RFX7: variants seen among roughly 807,000 people sequenced by gnomAD.
RFX7 encodes DNA-binding protein RFX7.
A neutral mutation model predicts 111.8 loss-of-function variants in RFX7; 26 were observed. The observed-to-expected ratio is 0.23, with a 90% CI of 0.17 to 0.32. RFX7 has a LOEUF of 0.32. RFX7 is among the 10% of genes least tolerant of loss of function. RFX7 has a pLI of 1.00. For synonymous variants in RFX7, 624 were observed against 624.4 expected (o/e 1.00, Z 0.01); for missense variants, 1,573 against 1,772.9 (o/e 0.89, Z 2.02).
intron 2 of RFX7, among the ~76,000 whole-genome samples, chr15:56,205,136 G>A (rs2713937): frequency 0.59 from 90,237 of 151,972 alleles, 27,416 homozygotes; most frequent in East Asian, 0.85. Flanking sequence ...CCAAATCCCT[G>A]GTCTGAATTA....
chr15:56,101,655 G>T, intron 7 of RFX7, 89 bp from the exon 8 acceptor site: 1 of 1,175,434 alleles, frequency 8.5e-7, no homozygotes, highest in Non-Finnish European at 1.2e-6. Flanking sequence ...TTAATTAGAA[G>T]ATACAATATA....
At chr15:56,101,605 C>T (rs767226032) in intron 7 of RFX7, 39 bp from the exon 8 acceptor site, 2 of 1,511,630 alleles carry the variant, frequency 1.3e-6, no homozygotes, top group Non-Finnish European at 1.8e-6. Context: ...TTGTAAAAGA[C>T]CAGAGAAATT....
chr15:56,175,060 G>A (rs538433816), intron 3 of RFX7, among the ~76,000 whole-genome samples: 13 of 152,196 alleles, frequency 8.5e-5, no homozygotes, highest in African/African-American at 3.1e-4. Flanking sequence ...GATTGAGTGG[G>A]TAGAAAATCC....
chr15:56,192,429 TG>T (rs2043109654), intron 2 of RFX7: 2 of 221,570 alleles, frequency 9.0e-6, no homozygotes, highest in South Asian at 1.7e-4. Context: ...TGGGCTGGGC[TG>T]AAATATGGGG....
intron 2 of RFX7, among the ~76,000 whole-genome samples, chr15:56,212,925 A>G (rs1295163867): frequency 6.6e-6 from 1 of 152,208 alleles, no homozygotes; most frequent in East Asian, 1.9e-4. Context: ...GATATTTAAC[A>G]TCATTAGCCA....
At chr15:56,100,654 A>G (rs2041739863) in intron 8 of RFX7, among the ~76,000 whole-genome samples, 2 of 152,212 alleles carry the variant, frequency 1.3e-5, no homozygotes, top group African/African-American at 4.8e-5. Context: ...CTGATTTTCT[A>G]GAATAATTTA....
intron 2 of RFX7, among the ~76,000 whole-genome samples, chr15:56,218,993 G>A (rs1220837987): frequency 3.3e-5 from 5 of 152,150 alleles, no homozygotes; most frequent in Non-Finnish European, 7.4e-5. Context: ...GTAGTGAGCA[G>A]GATGACACTG....
At chr15:56,138,669 T>G (rs1268032464) in intron 5 of RFX7, among the ~76,000 whole-genome samples, 1 of 152,200 alleles carries the variant, frequency 6.6e-6, no homozygotes, top group African/African-American at 2.4e-5. Context: ...TGATGTTAGC[T>G]GGTTGTTTTG....
chr15:56,097,943 AG>A lies in RFX7; in HGVS notation c.1107+137del. ...ACATACATCCTGAATAAAAGACTGA[AG>A]GGGAATGAATCTTCCTGTGGTCACA... is the stretch of plus-strand genomic sequence containing the variant. On this transcript the variant is annotated intron_variant, in intron 9 of 9. Transcript: ENST00000559447. 6 of 669,454 alleles carry A rather than the reference AG, an allele frequency of 9.0e-6. No individual in the cohort carries two copies. The South Asian group carries it at 1.2e-4, about 13-fold the overall frequency. 41.5% of individuals were successfully genotyped at this position (669,454 alleles called of 1,614,324 possible).
intron 3 of RFX7, among the ~76,000 whole-genome samples, chr15:56,156,792 C>T (rs1191967284): frequency 6.6e-6 from 1 of 152,144 alleles, no homozygotes; most frequent in African/African-American, 2.4e-5. Context: ...TTTTATACTT[C>T]TCTGATTGAT....
chr15:56,239,607 G>C (rs1443018322), intron 2 of RFX7, among the ~76,000 whole-genome samples: 1 of 152,126 alleles, frequency 6.6e-6, no homozygotes, highest in Non-Finnish European at 1.5e-5. Flanking sequence ...ATACAATGAA[G>C]TCAGGTGTGG....
At position 56,098,300 on chromosome 15, in the gene RFX7, A is replaced by T; in HGVS notation, c.888T>A (p.Thr296=). Residue 296 remains threonine, a synonymous_variant, in exon 9 of 10, where the codon ACT becomes ACA. Coordinates refer to ENST00000559447, the MANE Select transcript of RFX7 (RefSeq NM_022841.7). ...ESNSFQPQVK[T]LPSPIDAKQQ... Reference sequence around the variant, plus strand: ...GTTTAGCATCAATTGGAGATGGCAAAGTCTTCACCTGAGGCTGAAAGGAAT... The same window carrying T: ...GTTTAGCATCAATTGGAGATGGCAATGTCTTCACCTGAGGCTGAAAGGAAT... 6.2e-7 allele frequency: 1 copy of T among 1,613,788 alleles called. No homozygotes were observed. Among genetic ancestry groups the T allele is most frequent in the Non-Finnish European group, 8.5e-7 (1 of 1,179,758 alleles).
At chr15:56,238,209 T>C (rs1296472300) in intron 2 of RFX7, among the ~76,000 whole-genome samples, 2 of 152,132 alleles carry the variant, frequency 1.3e-5, no homozygotes, top group African/African-American at 4.8e-5. Flanking sequence ...AGAACTAATA[T>C]GGCATCACTA....
chr15:56,184,475 T>A (rs948392375), intron 2 of RFX7, among the ~76,000 whole-genome samples: 6 of 152,180 alleles, frequency 3.9e-5, no homozygotes, highest in African/African-American at 1.4e-4. Context: ...TCCAATATAA[T>A]AAAGAGTAGC....
intron 2 of RFX7, among the ~76,000 whole-genome samples, chr15:56,187,053 A>G (rs748465367): frequency 6.6e-6 from 1 of 152,202 alleles, no homozygotes; most frequent in Non-Finnish European, 1.5e-5. Context: ...TCTGCTTCAG[A>G]TAACGACAAG....
intron 3 of RFX7, among the ~76,000 whole-genome samples, chr15:56,171,554 G>C (rs78153795): frequency 3.0e-5 from 4 of 133,660 alleles, no homozygotes; most frequent in African/African-American, 5.6e-5. Context: ...TCTTCCCTAG[G>C]GTCTCCAGAA....
intron 2 of RFX7, among the ~76,000 whole-genome samples, chr15:56,229,327 A>G (rs76680454): frequency 0.13 from 19,741 of 152,006 alleles, 1,659 homozygotes; most frequent in East Asian, 0.44. Context: ...GTGCAGTGGC[A>G]GGATCTCGGC....
intron 2 of RFX7, among the ~76,000 whole-genome samples, chr15:56,191,081 A>AG (rs2043096239): frequency 6.6e-6 from 1 of 152,204 alleles, no homozygotes; most frequent in African/African-American, 2.4e-5. Context: ...TTTCACCATC[A>AG]GTAGGGCTCC....
chr15:56,122,513 G>A (rs1314296676), intron 5 of RFX7, among the ~76,000 whole-genome samples: 2 of 152,122 alleles, frequency 1.3e-5, no homozygotes, highest in Non-Finnish European at 2.9e-5. Flanking sequence ...ATTGCCCAAG[G>A]CTCACTGTTA....
Sources: allele counts gnomAD v4.1 joint callset (sites outside exome capture counted in the v4.1 genomes callset), GRCh38; gene constraint gnomAD v4.1.1; transcripts MANE v1.5; gene names NCBI Gene and HGNC (gene_info 2026-07-23, HGNC 2026-07-21).